The following TLK2 variants were observed in gnomAD, a reference collection of about 807,000 sequenced individuals.
TLK2 encodes serine/threonine-protein kinase tousled-like 2.
A neutral mutation model predicts 117.3 loss-of-function variants in TLK2; 6 were observed. The ratio of observed to expected loss-of-function variants is 0.05; its 90% CI spans 0.03 to 0.10. The LOEUF is 0.10. Among genes scored for constraint, TLK2 ranks in the 10% least tolerant of loss-of-function variants. The pLI is 1.00. For synonymous variants in TLK2, 257 were observed against 316.7 expected, an observed-to-expected ratio of 0.81 and a Z score of 2.00; for missense variants, 299 against 901.2, an observed-to-expected ratio of 0.33 and a Z score of 8.56.
chr17:62,612,589 G>A lies in TLK2; in HGVS notation c.*24G>A, dbSNP rs1207730327. ...GAGACTGACTCCAAGGCCACAAACT[G>A]TTCAACACACACAAAGTGGACAAAT... On this transcript the variant is annotated 3_prime_UTR_variant, in exon 22 of 22. Coordinates refer to ENST00000346027, the MANE Select transcript of TLK2 (RefSeq NM_006852.6). The A allele has an allele frequency of 1.0e-5, 16 of 1,589,048 alleles. No individual in the cohort carries two copies. The highest frequency in any genetic ancestry group is 1.3e-5 in the African/African-American group (1 of 74,238).
intron 7 of TLK2, among the ~76,000 whole-genome samples, chr17:62,548,927 G>A (rs1424718363): frequency 6.7e-6 from 1 of 149,706 alleles, no homozygotes; most frequent in Admixed American, 6.7e-5. Context: ...GTTTAGTAGA[G>A]ACAGGGTTTC....
intron 2 of TLK2, among the ~76,000 whole-genome samples, chr17:62,485,413 C>CA (rs1258445119): frequency 6.6e-6 from 1 of 152,184 alleles, no homozygotes; most frequent in Non-Finnish European, 1.5e-5. Context: ...TAGACTAAAA[C>CA]AAAATGGCCA....
intron 11 of TLK2, among the ~76,000 whole-genome samples, chr17:62,571,234 C>G (rs2080264246): frequency 6.6e-6 from 1 of 152,196 alleles, no homozygotes; most frequent in African/African-American, 2.4e-5. Flanking sequence ...CATGGATGCT[C>G]AAGTCCCTGA....
chr17:62,519,254 ACTCCTGG>A (rs1352085837), intron 2 of TLK2, among the ~76,000 whole-genome samples: 5 of 151,718 alleles, frequency 3.3e-5, no homozygotes, highest in African/African-American at 1.2e-4. Context: ...GTGGCTATCT[ACTCCTGG>A]CACCATTTGC....
intron 2 of TLK2, among the ~76,000 whole-genome samples, chr17:62,517,706 A>G (rs2075722066): frequency 6.9e-6 from 1 of 145,826 alleles, no homozygotes; most frequent in South Asian, 2.2e-4. Flanking sequence ...AATTATTATT[A>G]TTATTTTTTG....
At chr17:62,517,215 G>C (rs2075672772) in intron 2 of TLK2, among the ~76,000 whole-genome samples, 1 of 150,652 alleles carries the variant, frequency 6.6e-6, no homozygotes, top group Non-Finnish European at 1.5e-5. Flanking sequence ...CCAGCACCAG[G>C]TTTTGAAAAA....
At chr17:62,571,794 C>G (rs1420668596) in intron 11 of TLK2, among the ~76,000 whole-genome samples, 1 of 152,114 alleles carries the variant, frequency 6.6e-6, no homozygotes, top group Non-Finnish European at 1.5e-5. Flanking sequence ...ACGAAAGATA[C>G]TGTACTGAAT....
intron 2 of TLK2, among the ~76,000 whole-genome samples, chr17:62,501,711 G>A (rs531773731): frequency 6.6e-6 from 1 of 152,100 alleles, no homozygotes; most frequent in Non-Finnish European, 1.5e-5. Flanking sequence ...TCTAGTCCCA[G>A]CACTTTGGGA....
intron 2 of TLK2, among the ~76,000 whole-genome samples, chr17:62,487,047 A>G (rs2072477054): frequency 6.6e-6 from 1 of 152,208 alleles, no homozygotes; most frequent in Non-Finnish European, 1.5e-5. Flanking sequence ...TAATCCCAGC[A>G]CTTTGGGAGG....
intron 2 of TLK2, among the ~76,000 whole-genome samples, chr17:62,492,006 T>G (rs1767386617): frequency 6.6e-6 from 1 of 152,224 alleles, no homozygotes; most frequent in African/African-American, 2.4e-5. Flanking sequence ...TCTAGTTAAC[T>G]TAGGAGTCAT....
At chr17:62,520,607 G>A (rs987258841) in intron 2 of TLK2, among the ~76,000 whole-genome samples, 166 bp from the exon 3 acceptor site, 2 of 151,114 alleles carry the variant, frequency 1.3e-5, no homozygotes, top group Non-Finnish European at 2.9e-5. Flanking sequence ...AACCCAGGAG[G>A]CAGAGGTTGC....
chr17:62,590,732 G>C (rs777882826), intron 16 of TLK2, among the ~76,000 whole-genome samples: 29 of 152,160 alleles, frequency 1.9e-4, no homozygotes, highest in Non-Finnish European at 2.8e-4. Flanking sequence ...TCCCACTTCA[G>C]CCCGCCAAAG....
chr17:62,508,592 T>C (rs2074902977), intron 2 of TLK2: 2 of 972,310 alleles, frequency 2.1e-6, no homozygotes, highest in African/African-American at 3.5e-5. Context: ...TGGAAGTGAA[T>C]GTTGTTAGTT....
chr17:62,527,418 A>C (rs565554529), intron 6 of TLK2, among the ~76,000 whole-genome samples: 1 of 152,260 alleles, frequency 6.6e-6, no homozygotes, highest in East Asian at 1.9e-4. Flanking sequence ...AAACTCTACA[A>C]GCACAAGAAA....
intron 2 of TLK2, among the ~76,000 whole-genome samples, chr17:62,505,456 A>G (rs1199585213): frequency 3.3e-5 from 4 of 123,046 alleles, no homozygotes; most frequent in Non-Finnish European, 6.3e-5. Context: ...GTCTCACTAC[A>G]TTGCTCAAGC....
At chr17:62,476,148 T>C (rs906854381), upstream of TLK2, among the ~76,000 whole-genome samples, 1 of 151,820 alleles carries the variant, frequency 6.6e-6, no homozygotes, top group Admixed American at 6.6e-5. Flanking sequence ...CCGAGCTAAT[T>C]TTTGTATTTT....
intron 13 of TLK2, among the ~76,000 whole-genome samples, chr17:62,577,784 A>G (rs1567957801): frequency 6.6e-6 from 1 of 152,176 alleles, no homozygotes; most frequent in Non-Finnish European, 1.5e-5. Flanking sequence ...GGTGGCTCAC[A>G]CCTGTAATGC....
At chr17:62,530,090 T>C (rs1357822033) in intron 6 of TLK2, among the ~76,000 whole-genome samples, 2 of 152,024 alleles carry the variant, frequency 1.3e-5, no homozygotes, top group Non-Finnish European at 2.9e-5. Context: ...CTGGCCAATG[T>C]GGTGAAACCC....
intron 10 of TLK2, chr17:62,560,368 C>G (rs554681834): frequency 1.3e-4 from 30 of 229,460 alleles, no homozygotes; most frequent in Non-Finnish European, 2.1e-4. Flanking sequence ...GACAGCTTGT[C>G]CTAGTTGAGT....
Sources: gnomAD v4.1 joint callset for allele counts (sites outside exome capture counted in the v4.1 genomes callset) on GRCh38, gnomAD v4.1.1 for gene constraint, MANE v1.5 for transcripts, NCBI Gene and HGNC (gene_info 2026-07-23, HGNC 2026-07-21) for gene names.